Variants in LMO1 observed in about 807,000 individuals in gnomAD.
LMO1 encodes rhombotin-1.
In LMO1, 10 loss-of-function variants were observed where a neutral mutation model predicts 18.0. That is an observed-to-expected ratio of 0.55 (90% CI 0.34 to 0.94). LMO1 has a LOEUF of 0.94. Ranked by LOEUF, LMO1 falls within the 40% of genes least tolerant of loss-of-function variation. The probability of loss-of-function intolerance (pLI) is 0.02; values close to 1 mark genes in which losing one functional copy is unlikely to be tolerated. For synonymous variants in LMO1, 77 were observed against 77.9 expected (o/e 0.99, Z 0.06); for missense variants, 183 against 205.7 (o/e 0.89, Z 0.68).
In LMO1 at chr11:8,243,058, G is replaced by A. The variant is rs540318525; in HGVS notation, c.26-12554C>T. On this transcript the variant is annotated intron_variant, in intron 1 of 3. Coordinates refer to ENST00000335790, the MANE Select transcript of LMO1 (RefSeq NM_002315.3). ...CCACGGGGCTGGGTGAGGGGAGGAA[G>A]GGCTGGGGGTTAAGAGGGAGAATCC... 1.1e-3 allele frequency among the ~76,000 whole-genome samples: 171 copies of A among 152,326 alleles called. 1 individual carries two copies. Among genetic ancestry groups the A allele is most frequent in the African/African-American group, 3.8e-3 (156 of 41,590 alleles).
intron 1 of LMO1, among the ~76,000 whole-genome samples, chr11:8,259,963 C>T (rs1415047395): frequency 3.3e-5 from 5 of 152,262 alleles, no homozygotes; most frequent in African/African-American, 9.6e-5. Context: ...AGTTCCACAA[C>T]CCGCCTGCTG....
intron 1 of LMO1, among the ~76,000 whole-genome samples, chr11:8,249,278 G>A (rs1216061572): frequency 6.6e-6 from 1 of 152,200 alleles, no homozygotes; most frequent in East Asian, 1.9e-4. Context: ...AAGGGAGGCA[G>A]ACAGGAGTGT....
intron 1 of LMO1, among the ~76,000 whole-genome samples, chr11:8,256,760 C>T (rs1847105731): frequency 6.6e-6 from 1 of 152,168 alleles, no homozygotes; most frequent in African/African-American, 2.4e-5. Context: ...GCAAGGAGGA[C>T]ATAGGAACAA....
chr11:8,228,239 G>A (rs536861915), intron 2 of LMO1, among the ~76,000 whole-genome samples: 3 of 152,232 alleles, frequency 2.0e-5, no homozygotes, highest in Non-Finnish European at 4.4e-5. Flanking sequence ...CCCCATGCAG[G>A]CCAGCCCTTG....
At chr11:8,267,177 A>G (rs11041837), upstream of LMO1, among the ~76,000 whole-genome samples, 23,583 of 152,178 alleles carry the variant, frequency 0.15, 1,945 homozygotes, top group Non-Finnish European at 0.2. Context: ...TCTGCACCAT[A>G]GCAAAGAAAT....
At position 8,253,576 on chromosome 11, in the gene LMO1, AC is replaced by A. The variant is rs200221785; in HGVS notation, c.25+9761del. On this transcript the variant is annotated intron_variant, in intron 1 of 3. Transcript: ENST00000335790. Reference sequence around the variant, plus strand: ...CAGAGAGTTTGAACATTCTGATGGCACCCGCAGGTAGCCCCACACAGTCCTT... The same window carrying A: ...CAGAGAGTTTGAACATTCTGATGGCACCGCAGGTAGCCCCACACAGTCCTT... Among the ~76,000 whole-genome samples the A allele has an allele frequency of 4.6e-5, 7 of 152,226 alleles. No homozygotes were observed. The East Asian group carries it at 1.2e-3, about 25-fold the overall frequency.
At chr11:8,243,952 T>C (rs1846843370) in intron 1 of LMO1, among the ~76,000 whole-genome samples, 1 of 152,212 alleles carries the variant, frequency 6.6e-6, no homozygotes, top group African/African-American at 2.4e-5. Context: ...GTGGGGAAGC[T>C]GGTCTATGAC....
At chr11:8,246,088 C>T (rs1344697848) in intron 1 of LMO1, among the ~76,000 whole-genome samples, 1 of 152,064 alleles carries the variant, frequency 6.6e-6, no homozygotes. Flanking sequence ...ATCCAATCAC[C>T]TCCCACCTGT....
intron 1 of LMO1, among the ~76,000 whole-genome samples, chr11:8,259,886 A>C (rs1263681501): frequency 6.6e-6 from 1 of 152,136 alleles, no homozygotes; most frequent in East Asian, 1.9e-4. Context: ...GGTCCTCCTC[A>C]GTCCAGCTTC....
intron 1 of LMO1, among the ~76,000 whole-genome samples, chr11:8,257,013 G>A (rs774174783): frequency 6.6e-6 from 1 of 152,222 alleles, no homozygotes; most frequent in African/African-American, 2.4e-5. Context: ...ATCCAGTGGT[G>A]TGCTGATGCA....
In LMO1 at chr11:8,239,019, C is replaced by A. The variant is rs143415348; in HGVS notation, c.26-8515G>T. On this transcript the variant is annotated intron_variant, in intron 1 of 3. Coordinates refer to ENST00000335790, the MANE Select transcript of LMO1 (RefSeq NM_002315.3). ...TTATCTCAATGAATCTTCATATTAA[C>A]TCTGATGCACTAAATGATTACCCCC... Among the ~76,000 whole-genome samples the A allele has an allele frequency of 1.2e-4, 18 of 152,354 alleles. No homozygotes were observed. In the East Asian group the frequency reaches 3.3e-3, roughly 28 times the overall value.
At chr11:8,254,534 C>T (rs1228301126) in intron 1 of LMO1, among the ~76,000 whole-genome samples, 4 of 149,068 alleles carry the variant, frequency 2.7e-5, no homozygotes, top group Non-Finnish European at 6.0e-5. Context: ...CAGAACATCA[C>T]ATCCTTTCAA....
chr11:8,232,829 C>G (rs16937174), intron 1 of LMO1, among the ~76,000 whole-genome samples: 27 of 152,088 alleles, frequency 1.8e-4, no homozygotes, highest in Non-Finnish European at 3.4e-4. Flanking sequence ...CAGTGAGAGG[C>G]CCCAGCACGT....
At chr11:8,264,834 T>C (rs1370908615), upstream of LMO1, among the ~76,000 whole-genome samples, 1 of 152,122 alleles carries the variant, frequency 6.6e-6, no homozygotes, top group African/African-American at 2.4e-5. Context: ...GGTTTTACCA[T>C]ATTGGCCAGG....
chr11:8,245,775 G>A (rs1425854501), intron 1 of LMO1, among the ~76,000 whole-genome samples: 2 of 152,166 alleles, frequency 1.3e-5, no homozygotes, highest in African/African-American at 4.8e-5. Flanking sequence ...AATCTTTCTT[G>A]TGTTGCTATA....
At chr11:8,254,256 T>A (rs915802789) in intron 1 of LMO1, among the ~76,000 whole-genome samples, 3 of 152,308 alleles carry the variant, frequency 2.0e-5, no homozygotes, top group Non-Finnish European at 4.4e-5. Flanking sequence ...GGAATTACCA[T>A]GGTAACTCAA....
intron 1 of LMO1, among the ~76,000 whole-genome samples, chr11:8,243,815 G>A (rs1422379193): frequency 6.6e-6 from 1 of 152,212 alleles, no homozygotes; most frequent in Non-Finnish European, 1.5e-5. Flanking sequence ...TTGGAGGCAT[G>A]AGCCCACAGA....
At chr11:8,225,776 T>C (rs544868869) in intron 3 of LMO1, among the ~76,000 whole-genome samples, 6 of 152,322 alleles carry the variant, frequency 3.9e-5, no homozygotes, top group Non-Finnish European at 5.9e-5. Context: ...GTAAGTTCAC[T>C]GAGCCCTCCT....
chr11:8,229,977 C>T (rs1377675799), intron 2 of LMO1, among the ~76,000 whole-genome samples: 1 of 152,202 alleles, frequency 6.6e-6, no homozygotes, highest in African/African-American at 2.4e-5. Context: ...TCAGGTGGGT[C>T]AGAAGCACCT....
Sources: gnomAD v4.1 joint callset for allele counts (sites outside exome capture counted in the v4.1 genomes callset) on GRCh38, gnomAD v4.1.1 for gene constraint, MANE v1.5 for transcripts, NCBI Gene and HGNC (gene_info 2026-07-23, HGNC 2026-07-21) for gene names.